Variants in CHP1 observed in about 807,000 individuals in gnomAD.
CHP1 encodes calcineurin B homologous protein 1.
In CHP1, 11 loss-of-function variants were observed where a neutral mutation model predicts 27.4. The ratio of observed to expected loss-of-function variants is 0.40; its 90% CI spans 0.25 to 0.67. The LOEUF (loss-of-function observed/expected upper bound fraction) is 0.67. Among genes scored for constraint, CHP1 ranks in the 30% least tolerant of loss-of-function variants. CHP1 has a pLI of 0.38. For missense variants in CHP1, 169 were observed against 251.3 expected (o/e 0.67, Z 2.22); for synonymous variants, 89 against 87.4 (o/e 1.02, Z -0.10).
At chr15:41,244,233 A>AAATGCATT (rs2047322271) in intron 2 of CHP1, among the ~76,000 whole-genome samples, 1 of 151,612 alleles carries the variant, frequency 6.6e-6, no homozygotes, top group Non-Finnish European at 1.5e-5. Context: ...TATGACAATT[A>AAATGCATT]AATGCATTAA....
At chr15:41,253,609 C>T (rs2047382423) in intron 2 of CHP1, among the ~76,000 whole-genome samples, 1 of 151,730 alleles carries the variant, frequency 6.6e-6, no homozygotes, top group South Asian at 2.1e-4. Flanking sequence ...TGCCCGTCAC[C>T]ACGCCTAGCT....
chr15:41,278,719 C>T, intron 5 of CHP1, 48 bp from the exon 6 acceptor site: 1 of 1,611,466 alleles, frequency 6.2e-7, no homozygotes, highest in Non-Finnish European at 8.5e-7. Context: ...AGTAAAGAGT[C>T]CCTCTGATTC....
intron 5 of CHP1, among the ~76,000 whole-genome samples, chr15:41,273,527 A>G (rs1405256719): frequency 1.3e-5 from 2 of 151,948 alleles, no homozygotes; most frequent in Admixed American, 6.6e-5. Flanking sequence ...GATTATAGGC[A>G]TGCGCCACCA....
chr15:41,263,905 A>G (rs2047446118), intron 4 of CHP1, among the ~76,000 whole-genome samples: 1 of 152,138 alleles, frequency 6.6e-6, no homozygotes, highest in Non-Finnish European at 1.5e-5. Context: ...AATCTTCGAA[A>G]TAGCACTAGT....
intron 4 of CHP1, among the ~76,000 whole-genome samples, chr15:41,269,737 A>C (rs1245892203): frequency 6.6e-6 from 1 of 152,006 alleles, no homozygotes; most frequent in Non-Finnish European, 1.5e-5. Flanking sequence ...TATTTGCAGC[A>C]CTCTATTTAA....
intron 1 of CHP1, chr15:41,234,128 A>T (rs778113549): frequency 1.3e-5 from 2 of 151,954 alleles, no homozygotes; most frequent in Non-Finnish European, 2.9e-5. Context: ...TTTTATTTTT[A>T]TCTTTTGTAG....
In CHP1 at chr15:41,279,508, C is replaced by A; in HGVS notation, c.*119C>A. ...TTCTCCCAAAGTACTACTGCTGTTG[C>A]ATGACAACCCCAAATATGTTCTGTC... On this transcript the variant is annotated 3_prime_UTR_variant, in exon 7 of 7. Coordinates refer to ENST00000334660, the MANE Select transcript of CHP1 (RefSeq NM_007236.5). 7.7e-6 allele frequency: 6 copies of A among 779,272 alleles called. No individual in the cohort carries two copies. In the South Asian group the frequency reaches 9.7e-5, roughly 13 times the overall value. 48.3% of individuals were successfully genotyped at this position (779,272 alleles called of 1,614,324 possible). A position where few individuals can be genotyped will look rare whatever the true frequency, so the allele number is the denominator to read the frequency against.
At chr15:41,239,555 C>T (rs556686102) in intron 1 of CHP1, among the ~76,000 whole-genome samples, 1 of 151,604 alleles carries the variant, frequency 6.6e-6, no homozygotes, top group Admixed American at 6.6e-5. Context: ...ACCACCACAC[C>T]TGGCTAATTT....
At chr15:41,274,938 G>A (rs758131468) in intron 5 of CHP1, among the ~76,000 whole-genome samples, 11 of 151,478 alleles carry the variant, frequency 7.3e-5, no homozygotes, top group East Asian at 2.0e-4. Flanking sequence ...TTATAGGCGC[G>A]CACTACCATG....
At chr15:41,243,824 G>A (rs1490576128) in intron 2 of CHP1, 85 bp downstream of exon 2, 2 of 1,049,354 alleles carry the variant, frequency 1.9e-6, no homozygotes, top group African/African-American at 3.2e-5. Context: ...CCCTAGGGTA[G>A]ACATGATAGA....
chr15:41,258,805 ATAT>A (rs925706823), intron 3 of CHP1, among the ~76,000 whole-genome samples: 3 of 152,194 alleles, frequency 2.0e-5, no homozygotes, highest in Admixed American at 6.5e-5. Context: ...GGACTTCAAA[ATAT>A]TATATGGGTG....
intron 1 of CHP1, among the ~76,000 whole-genome samples, chr15:41,239,431 TCTCA>T (rs1188088639): frequency 6.6e-6 from 1 of 152,006 alleles, no homozygotes; most frequent in Non-Finnish European, 1.5e-5. Context: ...TGAGGCGGAG[TCTCA>T]CTCTGTCGCC....
At chr15:41,266,713 A>G (rs1418637390) in intron 4 of CHP1, among the ~76,000 whole-genome samples, 12 of 152,102 alleles carry the variant, frequency 7.9e-5, no homozygotes, top group Admixed American at 2.0e-4. Context: ...AAAAAAGAAA[A>G]TTCTGAGGCC....
intron 5 of CHP1, among the ~76,000 whole-genome samples, chr15:41,277,723 G>A (rs2140945037): frequency 6.6e-6 from 1 of 151,508 alleles, no homozygotes; most frequent in South Asian, 2.1e-4. Context: ...GGGAGGCAGA[G>A]GTTGCAGTGA....
chr15:41,241,033 A>G (rs764000080), intron 1 of CHP1, among the ~76,000 whole-genome samples: 10 of 152,070 alleles, frequency 6.6e-5, no homozygotes, highest in Non-Finnish European at 1.0e-4. Flanking sequence ...TTGTATTTTT[A>G]GTAGAGACGA....
At chr15:41,233,647 C>G (rs998082066) in intron 1 of CHP1, among the ~76,000 whole-genome samples, 1 of 152,164 alleles carries the variant, frequency 6.6e-6, no homozygotes, top group African/African-American at 2.4e-5. Context: ...CGCCCCCAAC[C>G]TGGTTGGGGA....
chr15:41,232,092 C>T (rs572163273), intron 1 of CHP1, among the ~76,000 whole-genome samples: 71 of 152,212 alleles, frequency 4.7e-4, no homozygotes, highest in Non-Finnish European at 8.7e-4. Flanking sequence ...CACGACGATA[C>T]TTGCTGTCCT....
intron 1 of CHP1, among the ~76,000 whole-genome samples, chr15:41,235,671 A>T (rs2047273157): frequency 6.6e-6 from 1 of 152,212 alleles, no homozygotes; most frequent in South Asian, 2.1e-4. Flanking sequence ...TTAGGAAGTA[A>T]GTTGCACAGG....
chr15:41,256,047 G>A (rs1027294702), intron 2 of CHP1, among the ~76,000 whole-genome samples: 12 of 152,014 alleles, frequency 7.9e-5, no homozygotes, highest in East Asian at 1.9e-4. Context: ...AAAGAAATAT[G>A]GTTTTTAGAA....
Sources: allele counts gnomAD v4.1 joint callset (sites outside exome capture counted in the v4.1 genomes callset), GRCh38; gene constraint gnomAD v4.1.1; transcripts MANE v1.5; gene names NCBI Gene and HGNC (gene_info 2026-07-23, HGNC 2026-07-21).